Variants in IGSF10 observed in about 807,000 individuals in gnomAD.
IGSF10 encodes the protein immunoglobulin superfamily member 10, also known as calvaria mechanical force protein 608.
Under a neutral mutation model 128.2 loss-of-function variants are expected in IGSF10, and 126 were observed. The observed-to-expected ratio is 0.98, with a 90% CI of 0.85 to 1.14. The LOEUF (loss-of-function observed/expected upper bound fraction) is 1.14. Among genes scored for constraint, IGSF10 ranks in the 50% most tolerant of loss-of-function variants. The pLI is 0.00. For synonymous variants in IGSF10, 1,185 were observed against 1,146.2 expected (o/e 1.03, Z -0.68); for missense variants, 3,295 against 3,149.8 (o/e 1.05, Z -1.10).
the IGSF10 span, among the ~76,000 whole-genome samples, chr3:151,588,607 T>C: frequency 2.0e-5 from 3 of 152,212 alleles, no homozygotes; most frequent in African/African-American, 7.2e-5. Context: ...GTGTATACAA[T>C]TTATGACAAC....
the IGSF10 span, among the ~76,000 whole-genome samples, chr3:151,517,583 T>C: frequency 6.6e-6 from 1 of 151,946 alleles, no homozygotes; most frequent in Non-Finnish European, 1.5e-5. Context: ...CTGTGAATGA[T>C]ATGCTGAGAC....
the IGSF10 span, among the ~76,000 whole-genome samples, chr3:151,498,921 T>G: frequency 1.3e-5 from 2 of 152,172 alleles, no homozygotes; most frequent in Non-Finnish European, 2.9e-5. Flanking sequence ...GCTGCTAAAA[T>G]GGACATTTTG....
At chr3:151,583,981 A>G in the IGSF10 span, among the ~76,000 whole-genome samples, 1 of 152,170 alleles carries the variant, frequency 6.6e-6, no homozygotes, top group African/African-American at 2.4e-5. Flanking sequence ...TAATTGTGTT[A>G]CTTAGATTAT....
chr3:151,581,289 C>T, the IGSF10 span, among the ~76,000 whole-genome samples: 1 of 152,180 alleles, frequency 6.6e-6, no homozygotes. Flanking sequence ...CAGAAATCAG[C>T]AGTTCTCACA....
chr3:151,590,031 A>AT, the IGSF10 span, among the ~76,000 whole-genome samples: 21 of 152,002 alleles, frequency 1.4e-4, no homozygotes, highest in East Asian at 1.2e-3. Flanking sequence ...CAAGTTGGGT[A>AT]TTTTTTTATT....
chr3:151,536,134 T>G, the IGSF10 span, among the ~76,000 whole-genome samples: 1 of 152,054 alleles, frequency 6.6e-6, no homozygotes, highest in African/African-American at 2.4e-5. Context: ...GAGGTGGTGG[T>G]GAAATGCCAT....
chr3:151,526,700 T>A, the IGSF10 span, among the ~76,000 whole-genome samples: 42 of 152,238 alleles, frequency 2.8e-4, no homozygotes, highest in African/African-American at 9.2e-4. Context: ...TCTCATTTTT[T>A]TCTTTTTCTG....
the IGSF10 span, among the ~76,000 whole-genome samples, chr3:151,523,659 A>G: frequency 2.6e-5 from 4 of 152,124 alleles, no homozygotes; most frequent in African/African-American, 7.2e-5. Context: ...CATATACAAA[A>G]ATCAATGCAA....
chr3:151,447,924 G>C lies in IGSF10; in HGVS notation c.2057C>G (p.Pro686Arg). 1 of 1,614,080 alleles carries C rather than the reference G, an allele frequency of 6.2e-7. No individual in the cohort carries two copies. The highest frequency in any genetic ancestry group is 1.3e-5 in the African/African-American group (1 of 75,006). ...TEGSGLDESN[P>R]IAHLKEPPGA... ...TGGTGGCTCCTTAAGATGAGCAATA[G>C]GATTGGACTCATCAAGTCCAGATCC... is the stretch of plus-strand genomic sequence containing the variant. Residue 686 changes from proline to arginine, a missense_variant, in exon 6 of 8, where the codon CCT becomes CGT. Coordinates refer to ENST00000282466, the MANE Select transcript of IGSF10 (RefSeq NM_178822.5).
the IGSF10 span, among the ~76,000 whole-genome samples, chr3:151,563,835 T>A: frequency 6.6e-6 from 1 of 152,210 alleles, no homozygotes; most frequent in African/African-American, 2.4e-5. Flanking sequence ...CTGTTTTAAA[T>A]GCTTTATAAT....
intron 4 of IGSF10, among the ~76,000 whole-genome samples, chr3:151,454,581 A>G (rs979044455): frequency 2.7e-5 from 2 of 75,278 alleles, no homozygotes; most frequent in Non-Finnish European, 5.8e-5. Context: ...GAAAATTTTT[A>G]TAAGGTTTTT....
chr3:151,466,302 G>T, the IGSF10 span, among the ~76,000 whole-genome samples: 1 of 151,992 alleles, frequency 6.6e-6, no homozygotes, highest in African/African-American at 2.4e-5. Context: ...TGGAGGTCAT[G>T]GGTGAGTTTT....
In IGSF10 at chr3:151,436,371, A is replaced by T; in HGVS notation, c.*318T>A. 1 of 225,728 alleles carries T rather than the reference A, an allele frequency of 4.4e-6. No individual in the cohort carries two copies. The allele number at this position is 225,728 out of a possible 1,614,324, so 14.0% of individuals were successfully genotyped here. ...TGGACACTAGGCAACTGGTATTAGA[A>T]GTTCATTTTTTTACTGAAAAATTCA... On this transcript the variant is annotated 3_prime_UTR_variant, in exon 8 of 8. Transcript: ENST00000282466.
At chr3:151,442,547 ATT>A (rs3975406) in intron 7 of IGSF10, among the ~76,000 whole-genome samples, 1 of 125,536 alleles carries the variant, frequency 8.0e-6, no homozygotes, top group Admixed American at 8.3e-5. Flanking sequence ...TGCCCGGCTA[ATT>A]TTTTTTTTTT....
At chr3:151,604,918 G>T in the IGSF10 span, among the ~76,000 whole-genome samples, 3 of 152,050 alleles carry the variant, frequency 2.0e-5, no homozygotes, top group Non-Finnish European at 4.4e-5. Context: ...TGTTTTATGT[G>T]TGTTTCTGTT....
chr3:151,534,677 G>A, the IGSF10 span, among the ~76,000 whole-genome samples: 38 of 151,834 alleles, frequency 2.5e-4, no homozygotes, highest in Non-Finnish European at 4.9e-4. Context: ...TGGGGGAGGG[G>A]TAGCATTAGG....
At chr3:151,513,158 C>CA in the IGSF10 span, among the ~76,000 whole-genome samples, 51 of 151,440 alleles carry the variant, frequency 3.4e-4, no homozygotes, top group South Asian at 5.2e-3. Flanking sequence ...AGAGACACAA[C>CA]AAAAAAAAGA....
At chr3:151,444,000 C>A (rs1721032032) in intron 6 of IGSF10, 116 bp from the exon 7 acceptor site, 1 of 790,940 alleles carries the variant, frequency 1.3e-6, no homozygotes, top group East Asian at 2.7e-5. Flanking sequence ...AAAGCCCAGC[C>A]CTATGGCTCA....
Position 151,453,382 on chromosome 3 carries a change from A to T in IGSF10, c.715+2T>A. The T allele has an allele frequency of 6.3e-7, 1 of 1,574,950 alleles. No homozygotes were observed. Among genetic ancestry groups the T allele is most frequent in the Non-Finnish European group, 8.6e-7 (1 of 1,166,920 alleles). On this transcript the variant is annotated splice_donor_variant, in intron 5 of 7. Transcript: ENST00000282466. LOFTEE classifies it high-confidence loss of function. ...GGACAAAAAAATAAACAATATAGATACCTGGCTTCTCCTGTATCCAGTCAG... is the reference window on the plus strand; with the variant it reads ...GGACAAAAAAATAAACAATATAGATTCCTGGCTTCTCCTGTATCCAGTCAG...
Sources: allele counts gnomAD v4.1 joint callset (sites outside exome capture counted in the v4.1 genomes callset), GRCh38; gene constraint gnomAD v4.1.1; transcripts MANE v1.5; gene names NCBI Gene and HGNC (gene_info 2026-07-23, HGNC 2026-07-21).